POGZ: variants seen among roughly 807,000 people sequenced by gnomAD.
POGZ encodes pogo transposable element with ZNF domain.
In POGZ, 17 loss-of-function variants were observed where a neutral mutation model predicts 134.6. That is an observed-to-expected ratio of 0.13 (90% CI 0.09 to 0.19). The LOEUF is 0.19. Ranked by LOEUF, POGZ falls within the 10% of genes least tolerant of loss-of-function variation. The pLI is 1.00. For missense variants in POGZ, 1,306 were observed against 1,769.7 expected, an observed-to-expected ratio of 0.74 and a Z score of 4.70; for synonymous variants, 693 against 657.1, an observed-to-expected ratio of 1.05 and a Z score of -0.84.
chr1:151,446,734 C>T (rs573628141), intron 1 of POGZ, among the ~76,000 whole-genome samples: 7 of 112,720 alleles, frequency 6.2e-5, no homozygotes, highest in South Asian at 3.0e-4. Context: ...CTAGCCTGGG[C>T]GATAGAGCAA....
chr1:151,417,350 C>T (rs1295534868), intron 10 of POGZ, among the ~76,000 whole-genome samples: 3 of 150,512 alleles, frequency 2.0e-5, no homozygotes, highest in Non-Finnish European at 3.0e-5. Context: ...GCATGAGGCT[C>T]CGCGCCCGGC....
chr1:151,456,494 A>G (rs950081536), intron 1 of POGZ, among the ~76,000 whole-genome samples: 1 of 152,224 alleles, frequency 6.6e-6, no homozygotes, highest in Non-Finnish European at 1.5e-5. Context: ...TTTCAAGTAA[A>G]AATGCTACTC....
intron 3 of POGZ, among the ~76,000 whole-genome samples, chr1:151,436,572 T>C (rs1235350184): frequency 6.6e-6 from 1 of 152,190 alleles, no homozygotes; most frequent in Admixed American, 6.5e-5. Flanking sequence ...GCCTCCCTAA[T>C]AGCTGGGATT....
chr1:151,457,927 CAAAAAA>C (rs34068254), intron 1 of POGZ, among the ~76,000 whole-genome samples: 1 of 136,516 alleles, frequency 7.3e-6, no homozygotes, highest in African/African-American at 2.9e-5. Context: ...AACTTCGTCT[CAAAAAA>C]AAAAAAAAAA....
chr1:151,408,841 A>T lies in POGZ; in HGVS notation c.1927-13T>A. The T allele has an allele frequency of 6.5e-7, 1 of 1,534,334 alleles. No homozygotes were observed. On this transcript the variant is annotated splice_polypyrimidine_tract_variant and intron_variant, in intron 12 of 18. Transcript: ENST00000271715. ...AAACATTTCTCTTCTGAAGTGGGGG[A>T]GGGAAAAAAAGAGACAAAATCCCTT... is the stretch of plus-strand genomic sequence containing the variant.
intron 7 of POGZ, chr1:151,427,548 T>C: frequency 2.7e-6 from 1 of 369,160 alleles, no homozygotes; most frequent in South Asian, 3.0e-5. Context: ...CAGAAATCCA[T>C]CTCTTCCATG....
At position 151,406,011 on chromosome 1, in the gene POGZ, T is replaced by C. The variant is rs147095604; in HGVS notation, c.3024A>G (p.Arg1008=). The change falls in exon 19 of 19, where the codon CGA becomes CGG. Residue 1008 remains arginine (R), a synonymous_variant. Coordinates refer to ENST00000271715, the MANE Select transcript of POGZ (RefSeq NM_015100.4). ...NPQRRIRRWL[R]RFQASQGENL... is the part of the protein sequence containing the mutation. Reference sequence around the variant, plus strand: ...TCTCCCCCTGGGAGGCCTGGAAACGTCGAAGCCAACGGCGAATACGTCGCT... The same window carrying C: ...TCTCCCCCTGGGAGGCCTGGAAACGCCGAAGCCAACGGCGAATACGTCGCT... 3.1e-4 allele frequency: 497 copies of C among 1,614,212 alleles called. 4 individuals are homozygous for C. The East Asian group carries it at 0.01, about 33-fold the overall frequency.
intron 10 of POGZ, among the ~76,000 whole-genome samples, chr1:151,417,264 A>G (rs886288409): frequency 6.6e-6 from 1 of 150,948 alleles, no homozygotes; most frequent in Admixed American, 6.6e-5. Context: ...GAGTTTCACC[A>G]TGTTGTCTGG....
At chr1:151,440,391 T>C (rs1275765680) in intron 3 of POGZ, among the ~76,000 whole-genome samples, 1 of 151,910 alleles carries the variant, frequency 6.6e-6, no homozygotes, top group Non-Finnish European at 1.5e-5. Flanking sequence ...AAATAGACAT[T>C]AGAAATTAAA....
At chr1:151,448,077 C>T (rs985561064) in intron 1 of POGZ, among the ~76,000 whole-genome samples, 3 of 152,242 alleles carry the variant, frequency 2.0e-5, no homozygotes, top group Admixed American at 2.0e-4. Context: ...AAAATTACCT[C>T]CATATGAATC....
intron 3 of POGZ, among the ~76,000 whole-genome samples, chr1:151,434,581 G>A (rs1198551157): frequency 6.6e-6 from 1 of 152,134 alleles, no homozygotes; most frequent in Non-Finnish European, 1.5e-5. Flanking sequence ...ACATCACATG[G>A]TATCAAGCAC....
At position 151,408,678 on chromosome 1, in the gene POGZ, C is replaced by T. The variant is rs139265098; in HGVS notation, c.2061+16G>A. ...TCCCTCCCTGGGCCTATAAAAGACACTGGCAAACTCTTTACCTTGGTGCCT... is the reference window on the plus strand; with the variant it reads ...TCCCTCCCTGGGCCTATAAAAGACATTGGCAAACTCTTTACCTTGGTGCCT... On this transcript the variant is annotated intron_variant, in intron 13 of 18. Coordinates refer to ENST00000271715, the MANE Select transcript of POGZ (RefSeq NM_015100.4). 1,367 of 1,611,288 alleles carry T rather than the reference C, an allele frequency of 8.5e-4. 16 individuals are homozygous for T. The East Asian group carries it at 0.024, about 29-fold the overall frequency.
At chr1:151,445,068 A>G (rs1378687856) in intron 1 of POGZ, among the ~76,000 whole-genome samples, 1 of 152,132 alleles carries the variant, frequency 6.6e-6, no homozygotes, top group East Asian at 1.9e-4. Context: ...TAAAATAAAA[A>G]ACAAATGGAA....
At chr1:151,451,353 T>C (rs1471352707) in intron 1 of POGZ, among the ~76,000 whole-genome samples, 2 of 151,614 alleles carry the variant, frequency 1.3e-5, no homozygotes, top group African/African-American at 4.8e-5. Flanking sequence ...TGAGATGGAG[T>C]TTCACTCTTG....
chr1:151,414,071 T>A (rs1368867480), intron 10 of POGZ, among the ~76,000 whole-genome samples: 1 of 152,098 alleles, frequency 6.6e-6, no homozygotes, highest in Admixed American at 6.5e-5. Flanking sequence ...TATGAGGACA[T>A]GGATAAATAA....
At chr1:151,416,210 C>CAAAAAAAAAAAAAAAAAAAAAAAAA (rs1212371839) in intron 10 of POGZ, among the ~76,000 whole-genome samples, 2 of 42,786 alleles carry the variant, frequency 4.7e-5, no homozygotes, top group Non-Finnish European at 7.5e-5. Context: ...AACTCCATCT[C>CAAAAAAAAAAAAAAAAAAAAAAAAA]AAAAAAAAAA....
chr1:151,406,553 C>A, intron 18 of POGZ, 54 bp downstream of exon 18: 1 of 1,551,482 alleles, frequency 6.4e-7, no homozygotes, highest in Non-Finnish European at 8.7e-7. Context: ...ATAATAATAA[C>A]AGAGTAAACA....
chr1:151,415,528 G>A (rs986196117), intron 10 of POGZ, among the ~76,000 whole-genome samples: 1 of 151,860 alleles, frequency 6.6e-6, no homozygotes, highest in Non-Finnish European at 1.5e-5. Flanking sequence ...AAAATTAGCC[G>A]GGCGTGGTGG....
chr1:151,444,200 A>AC (rs1557941772), intron 1 of POGZ, among the ~76,000 whole-genome samples: 1 of 152,180 alleles, frequency 6.6e-6, no homozygotes, highest in Non-Finnish European at 1.5e-5. Flanking sequence ...CCAAAGCCAC[A>AC]AAGGGGGTGA....
Sources: allele counts gnomAD v4.1 joint callset (sites outside exome capture counted in the v4.1 genomes callset), GRCh38; gene constraint gnomAD v4.1.1; transcripts MANE v1.5; gene names NCBI Gene and HGNC (gene_info 2026-07-23, HGNC 2026-07-21).